DLEC1: variants seen among roughly 807,000 people sequenced by gnomAD.
DLEC1 encodes the protein deleted in lung and esophageal cancer protein 1.
Under a neutral mutation model 198.1 loss-of-function variants are expected in DLEC1, and 146 were observed. The ratio of observed to expected loss-of-function variants is 0.74; its 90% CI spans 0.64 to 0.85. DLEC1 has a LOEUF of 0.85. Ranked by LOEUF, DLEC1 falls within the 40% of genes least tolerant of loss-of-function variation. The pLI is 0.00. For missense variants in DLEC1, 2,233 were observed against 2,220.0 expected (o/e 1.01, Z -0.12); for synonymous variants, 897 against 866.8 (o/e 1.03, Z -0.61).
At chr3:38,039,730 G>A in intron 1 of DLEC1, 94 bp downstream of exon 1, 1 of 1,471,156 alleles carries the variant, frequency 6.8e-7, no homozygotes, top group Non-Finnish European at 9.0e-7. Flanking sequence ...GCTGTTCCAG[G>A]ATCTGGGGCT....
In DLEC1 at chr3:38,121,979, C is replaced by G. The variant is rs62240755; in HGVS notation, c.5021-92C>G. 6.3e-3 allele frequency: 9,846 copies of G among 1,564,658 alleles called. 40 individuals are homozygous for G. Among genetic ancestry groups the G allele is most frequent in the Non-Finnish European group, 7.8e-3 (8,928 of 1,150,722 alleles). ...CCCTGCCCTGCAGTGCTGAGCAAGACCAGAGGTACAGGCCCGGGGGTGGGT... is the reference window on the plus strand; with the variant it reads ...CCCTGCCCTGCAGTGCTGAGCAAGAGCAGAGGTACAGGCCCGGGGGTGGGT... On this transcript the variant is annotated intron_variant, in intron 35 of 36. Transcript: ENST00000308059.
chr3:38,074,683 A>C (rs548660296), intron 6 of DLEC1, among the ~76,000 whole-genome samples: 3 of 152,314 alleles, frequency 2.0e-5, no homozygotes, highest in African/African-American at 7.2e-5. Context: ...GGTCAGGTTC[A>C]TGAAGCCGGC....
rs371624689 is a variant in DLEC1, at chr3:38,102,906, CCT to C, written c.2864+2487_2864+2488del. ...AGTGTTACTGCAGGCTCTGCCCTGG[CCT>C]CTCTCCAGCGTGATACCCACAGTCT... is the stretch of plus-strand genomic sequence containing the variant. On this transcript the variant is annotated intron_variant, in intron 19 of 36. Coordinates refer to ENST00000308059, the MANE Select transcript of DLEC1 (RefSeq NM_007335.4). Among the ~76,000 whole-genome samples the C allele has an allele frequency of 3.6e-3, 553 of 152,236 alleles. 1 individual carries two copies. The highest frequency in any genetic ancestry group is 0.013 in the African/African-American group (531 of 41,514).
chr3:38,058,203 T>C (rs929650747), intron 2 of DLEC1, among the ~76,000 whole-genome samples: 5 of 152,218 alleles, frequency 3.3e-5, no homozygotes, highest in African/African-American at 7.2e-5. Context: ...TGGTAATATT[T>C]GCTTACTCCA....
chr3:38,078,200 C>A (rs1215400798), intron 6 of DLEC1, among the ~76,000 whole-genome samples: 3 of 152,024 alleles, frequency 2.0e-5, no homozygotes, highest in Non-Finnish European at 4.4e-5. Flanking sequence ...TGGGACTTAA[C>A]AAAGAGTGAG....
intron 13 of DLEC1, chr3:38,095,276 T>C (rs1698952991): frequency 3.3e-6 from 2 of 597,486 alleles, no homozygotes; most frequent in Non-Finnish European, 5.8e-6. Context: ...GATCCCAGAC[T>C]CACCCCATCT....
rs746225062 is a variant in DLEC1 at position 38,110,144 on chromosome 3, T to C, written c.3306T>C (p.Phe1102=). Reference sequence around the variant, plus strand: ...ACCCAAAGGAGCTCCGCCTGGACTTTGGCTCAGCGGTGCCACTGAGGACCC... The same window carrying C: ...ACCCAAAGGAGCTCCGCCTGGACTTCGGCTCAGCGGTGCCACTGAGGACCC... ...PGHPKELRLD[F]GSAVPLRTRV... Residue 1102 remains phenylalanine, a synonymous_variant, in exon 23 of 37, where the codon TTT becomes TTC. Coordinates refer to ENST00000308059, the MANE Select transcript of DLEC1 (RefSeq NM_007335.4). 1 of 1,614,164 alleles carries C rather than the reference T, an allele frequency of 6.2e-7. No homozygotes were observed. Among genetic ancestry groups the C allele is most frequent in the Non-Finnish European group, 8.5e-7 (1 of 1,180,016 alleles).
chr3:38,068,511 G>A (rs751756092), intron 6 of DLEC1, among the ~76,000 whole-genome samples: 3 of 152,364 alleles, frequency 2.0e-5, no homozygotes, highest in East Asian at 1.9e-4. Flanking sequence ...GATTACAGGC[G>A]TGAGCCAGTG....
intron 27 of DLEC1, among the ~76,000 whole-genome samples, 177 bp downstream of exon 27, chr3:38,115,230 T>C (rs926135008): frequency 2.0e-5 from 3 of 151,946 alleles, no homozygotes; most frequent in African/African-American, 4.8e-5. Flanking sequence ...CTCATCAGGG[T>C]TGCTGTTTGG....
intron 2 of DLEC1, among the ~76,000 whole-genome samples, chr3:38,053,589 G>GTCCAGGAGGGAGGTGGGGGGCAGCCCCCA (rs1559397663): frequency 1.0e-5 from 1 of 97,246 alleles, no homozygotes; most frequent in Non-Finnish European, 2.1e-5. Flanking sequence ...GGCAGCCCCC[G>GTCCAGGAGGGAGGTGGGGGGCAGCCCCCA]CCCGGCCAGC....
chr3:38,053,040 C>T (rs957918589), intron 2 of DLEC1, among the ~76,000 whole-genome samples: 2 of 152,256 alleles, frequency 1.3e-5, no homozygotes, highest in Non-Finnish European at 2.9e-5. Context: ...GATCTGCCAG[C>T]CTCGGCCTCT....
At position 38,117,051 on chromosome 3, in the gene DLEC1, AGGT is replaced by A; in HGVS notation, c.4259_4261del (p.Val1420del). ...GTGCTCAGCCCTGAGATCCTGCACA[AGGT>A]GGAGTGTACTGGCTACGCCCTGGGT... On this transcript the variant is annotated inframe_deletion, in exon 30 of 37. Transcript: ENST00000308059. The A allele has an allele frequency of 6.2e-7, 1 of 1,614,084 alleles. No individual in the cohort carries two copies. The highest frequency in any genetic ancestry group is 8.5e-7 in the Non-Finnish European group (1 of 1,179,974).
chr3:38,119,939 C>T (rs977337794), intron 33 of DLEC1, among the ~76,000 whole-genome samples: 3 of 152,194 alleles, frequency 2.0e-5, no homozygotes, highest in African/African-American at 2.4e-5. Context: ...TTAACAAGTG[C>T]CTCACCGTTG....
chr3:38,103,905 A>G (rs1459690125), intron 19 of DLEC1: 3 of 151,854 alleles, frequency 2.0e-5, no homozygotes, highest in Non-Finnish European at 4.4e-5. Flanking sequence ...TGGCACCCCA[A>G]AACAATTACA....
intron 23 of DLEC1, among the ~76,000 whole-genome samples, chr3:38,110,787 C>T (rs1699825283): frequency 1.3e-5 from 2 of 152,210 alleles, no homozygotes; most frequent in African/African-American, 4.8e-5. Flanking sequence ...CACACACACA[C>T]ACACGTACAT....
At chr3:38,121,954 C>A in intron 35 of DLEC1, 117 bp from the exon 36 acceptor site, 1 of 1,525,624 alleles carries the variant, frequency 6.6e-7, no homozygotes, top group East Asian at 2.3e-5. Context: ...CTCAGGGTTG[C>A]CCTGCCCTGC....
chr3:38,121,953 G>T, intron 35 of DLEC1, 118 bp from the exon 36 acceptor site: 1 of 1,525,744 alleles, frequency 6.6e-7, no homozygotes, highest in Non-Finnish European at 8.8e-7. Flanking sequence ...TCTCAGGGTT[G>T]CCCTGCCCTG....
intron 5 of DLEC1, among the ~76,000 whole-genome samples, chr3:38,063,225 T>C (rs935220043): frequency 6.6e-6 from 1 of 152,264 alleles, no homozygotes; most frequent in Non-Finnish European, 1.5e-5. Context: ...AGTTGCTTCA[T>C]GGGTTCATAA....
At position 38,095,177 on chromosome 3, in the gene DLEC1, T is replaced by C. The variant is rs1575190719; in HGVS notation, c.2112+106T>C. The C allele has an allele frequency of 7.8e-6, 11 of 1,409,834 alleles. No homozygotes were observed. The East Asian group carries it at 1.9e-4, about 24-fold the overall frequency. 87.3% of individuals were successfully genotyped at this position (1,409,834 alleles called of 1,614,324 possible). ...GAAGCCACAGCTGGGCCCACCGAGG[T>C]GCTATCCTGCCCAGGCCAGCACTTG... On this transcript the variant is annotated intron_variant, in intron 13 of 36. Coordinates refer to ENST00000308059, the MANE Select transcript of DLEC1 (RefSeq NM_007335.4).
Sources: gnomAD v4.1 joint callset for allele counts (sites outside exome capture counted in the v4.1 genomes callset) on GRCh38, gnomAD v4.1.1 for gene constraint, MANE v1.5 for transcripts, NCBI Gene and HGNC (gene_info 2026-07-23, HGNC 2026-07-21) for gene names.